ASIC2: variants seen among roughly 807,000 people sequenced by gnomAD.
ASIC2 encodes acid sensing ion channel subunit 2, also known as acid-sensing ion channel 2.
Under a neutral mutation model 57.3 loss-of-function variants are expected in ASIC2, and 25 were observed. The ratio of observed to expected loss-of-function variants is 0.44; its 90% confidence interval spans 0.32 to 0.61. The LOEUF (loss-of-function observed/expected upper bound fraction) is 0.61. Ranked by LOEUF, ASIC2 falls within the 20% of genes least tolerant of loss-of-function variation. ASIC2 has a pLI of 0.06. For missense variants in ASIC2, 641 were observed against 738.1 expected, an observed-to-expected ratio of 0.87 and a Z score of 1.52; for synonymous variants, 319 against 307.5, an observed-to-expected ratio of 1.04 and a Z score of -0.39.
chr17:33,119,506 C>T (rs1310830680), intron 1 of ASIC2, among the ~76,000 whole-genome samples: 1 of 152,130 alleles, frequency 6.6e-6, no homozygotes, highest in Non-Finnish European at 1.5e-5. Flanking sequence ...GAACCTGGCT[C>T]TTGTTTTCTG....
intron 1 of ASIC2, among the ~76,000 whole-genome samples, chr17:33,553,290 T>C (rs890287970): frequency 3.3e-5 from 5 of 152,108 alleles, no homozygotes; most frequent in African/African-American, 1.2e-4. Context: ...TGTGGTTTAT[T>C]TTGGGCTTTA....
At chr17:33,433,123 A>T (rs1368599117) in intron 1 of ASIC2, among the ~76,000 whole-genome samples, 1 of 152,222 alleles carries the variant, frequency 6.6e-6, no homozygotes, top group Non-Finnish European at 1.5e-5. Flanking sequence ...AAGCACTAGT[A>T]ACCATAGCAA....
At chr17:33,160,249 A>C (rs1905126667) in intron 1 of ASIC2, among the ~76,000 whole-genome samples, 1 of 142,904 alleles carries the variant, frequency 7.0e-6, no homozygotes. Flanking sequence ...GAAAATGCTC[A>C]GTGAATAATG....
intron 1 of ASIC2, among the ~76,000 whole-genome samples, chr17:33,127,016 C>T (rs1201860769): frequency 3.3e-5 from 5 of 150,452 alleles, no homozygotes; most frequent in South Asian, 2.2e-4. Context: ...TACAGGCGCC[C>T]GCCACCGCGC....
chr17:33,772,361 A>G (rs1054284913), intron 1 of ASIC2, among the ~76,000 whole-genome samples: 1 of 152,152 alleles, frequency 6.6e-6, no homozygotes, highest in Non-Finnish European at 1.5e-5. Context: ...AGCCAATCAT[A>G]TTTCTACACA....
chr17:33,336,840 A>C (rs1597688546), intron 1 of ASIC2, among the ~76,000 whole-genome samples: 2 of 152,160 alleles, frequency 1.3e-5, no homozygotes, highest in East Asian at 3.9e-4. Flanking sequence ...GCTTCTGTTA[A>C]CTGATACAAA....
At position 33,023,977 on chromosome 17, in the gene ASIC2, G is replaced by A; in HGVS notation, c.1233C>T (p.Cys411=). 3 of 1,614,218 alleles carry A rather than the reference G, an allele frequency of 1.9e-6. No homozygotes were observed. Among genetic ancestry groups the A allele is most frequent in the Non-Finnish European group, 2.5e-6 (3 of 1,180,040 alleles). The change falls in exon 6 of 10, where the codon TGC becomes TGT. Residue 411 remains cysteine (C), a synonymous_variant. Coordinates refer to ENST00000225823, the MANE Select transcript of ASIC2 (RefSeq NM_183377.2). The stretch of plus-strand genomic sequence containing the variant: ...AGCGGGTTAGGTTGCAGGGTGTCCT[G>A]CAGAGACAGTAATTGCTGTCCTTTT... ...LAEKDSNYCL[C]RTPCNLTRYN...
chr17:33,436,016 G>A (rs552892070), intron 1 of ASIC2, among the ~76,000 whole-genome samples: 1 of 152,374 alleles, frequency 6.6e-6, no homozygotes, highest in Non-Finnish European at 1.5e-5. Context: ...GAAAAATAAA[G>A]AGAAAGGAAT....
At chr17:33,650,283 G>T (rs1399576781) in intron 1 of ASIC2, among the ~76,000 whole-genome samples, 1 of 152,134 alleles carries the variant, frequency 6.6e-6, no homozygotes, top group South Asian at 2.1e-4. Flanking sequence ...CACAATGAGT[G>T]ATCACTATCC....
chr17:33,644,080 C>A (rs1906668086), intron 1 of ASIC2, among the ~76,000 whole-genome samples: 1 of 152,174 alleles, frequency 6.6e-6, no homozygotes, highest in South Asian at 2.1e-4. Flanking sequence ...CTGATGGGAG[C>A]ACCATGGCCA....
At chr17:33,324,909 T>G (rs1907009804) in intron 1 of ASIC2, among the ~76,000 whole-genome samples, 1 of 152,170 alleles carries the variant, frequency 6.6e-6, no homozygotes, top group Non-Finnish European at 1.5e-5. Context: ...TGAAAAGAGA[T>G]GTGACATAAC....
intron 1 of ASIC2, among the ~76,000 whole-genome samples, chr17:33,211,686 G>C (rs1907281439): frequency 6.6e-6 from 1 of 152,132 alleles, no homozygotes; most frequent in South Asian, 2.1e-4. Flanking sequence ...CAGATCAGCA[G>C]TTTGCCTCCT....
chr17:34,101,824 C>T (rs1210711275), intron 1 of ASIC2, among the ~76,000 whole-genome samples: 1 of 152,152 alleles, frequency 6.6e-6, no homozygotes, highest in South Asian at 2.1e-4. Flanking sequence ...CAAACGTCTG[C>T]AAGTAAACAG....
At chr17:33,886,424 C>G (rs1334766517) in intron 1 of ASIC2, among the ~76,000 whole-genome samples, 2 of 152,082 alleles carry the variant, frequency 1.3e-5, no homozygotes, top group Non-Finnish European at 2.9e-5. Flanking sequence ...GCTCCATTTA[C>G]AAGGAAACCA....
At chr17:34,145,542 C>G (rs931349160) in intron 1 of ASIC2, among the ~76,000 whole-genome samples, 8 of 152,336 alleles carry the variant, frequency 5.3e-5, no homozygotes, top group Admixed American at 6.5e-5. Context: ...ACAGGGTGCT[C>G]TAGACTCCTA....
intron 1 of ASIC2, among the ~76,000 whole-genome samples, chr17:34,154,323 C>G (rs1904634075): frequency 6.6e-6 from 1 of 152,232 alleles, no homozygotes; most frequent in Non-Finnish European, 1.5e-5. Context: ...TTGTGCATGA[C>G]ATGTTTTAGG....
At chr17:33,743,817 G>A (rs1407958721) in intron 1 of ASIC2, among the ~76,000 whole-genome samples, 5 of 152,122 alleles carry the variant, frequency 3.3e-5, no homozygotes, top group East Asian at 3.9e-4. Flanking sequence ...CCATACTCAC[G>A]TAATCCAATT....
At chr17:33,183,388 G>A (rs1288284811) in intron 1 of ASIC2, among the ~76,000 whole-genome samples, 1 of 152,114 alleles carries the variant, frequency 6.6e-6, no homozygotes, top group Non-Finnish European at 1.5e-5. Context: ...TACATAATAA[G>A]CCTGCAGAAT....
chr17:33,935,269 C>T (rs1276999678), intron 1 of ASIC2, among the ~76,000 whole-genome samples: 7 of 152,342 alleles, frequency 4.6e-5, no homozygotes, highest in East Asian at 3.9e-4. Context: ...TAACCTCCCT[C>T]GGACAGTCAG....
Sources: allele counts gnomAD v4.1 joint callset (sites outside exome capture counted in the v4.1 genomes callset), GRCh38; gene constraint gnomAD v4.1.1; transcripts MANE v1.5; gene names NCBI Gene and HGNC (gene_info 2026-07-23, HGNC 2026-07-21).